The following PTPRN2 variants were observed in gnomAD, a reference collection of about 807,000 sequenced individuals.
PTPRN2 encodes the protein protein tyrosine phosphatase receptor type N2.
Under a neutral mutation model 118.8 loss-of-function variants are expected in PTPRN2, and 74 were observed. The ratio of observed to expected loss-of-function variants is 0.62; its 90% confidence interval spans 0.52 to 0.76. The LOEUF is 0.76. Among genes scored for constraint, PTPRN2 ranks in the 30% least tolerant of loss-of-function variants. The pLI is 0.00. For missense variants in PTPRN2, 1,481 were observed against 1,394.4 expected, an observed-to-expected ratio of 1.06 and a Z score of -0.99; for synonymous variants, 641 against 608.0, an observed-to-expected ratio of 1.05 and a Z score of -0.80.
intron 2 of PTPRN2, among the ~76,000 whole-genome samples, chr7:158,353,356 A>T (rs918673503): frequency 5.9e-5 from 9 of 152,228 alleles, no homozygotes; most frequent in East Asian, 1.9e-4. Flanking sequence ...AAGTCCTAAA[A>T]CTATGAGTGG....
intron 11 of PTPRN2, among the ~76,000 whole-genome samples, chr7:158,064,434 G>T (rs890908048): frequency 3.3e-5 from 5 of 152,174 alleles, no homozygotes; most frequent in African/African-American, 1.2e-4. Flanking sequence ...TGGGGCCAGA[G>T]ACTGGGGTCA....
At chr7:158,078,108 T>C (rs903611421) in intron 11 of PTPRN2, among the ~76,000 whole-genome samples, 6 of 152,204 alleles carry the variant, frequency 3.9e-5, no homozygotes, top group African/African-American at 1.4e-4. Context: ...GCAGCTGCCC[T>C]TCTCATTCGG....
Position 157,940,912 on chromosome 7 carries a change from C to T in PTPRN2, c.1724-42175G>A, listed in dbSNP as rs1260743190. Among the ~76,000 whole-genome samples, 6 of 60,388 alleles carry T rather than the reference C, an allele frequency of 9.9e-5. 1 individual carries two copies. Among genetic ancestry groups the T allele is most frequent in the Non-Finnish European group, 1.4e-4 (5 of 36,744 alleles). 39.6% of individuals were successfully genotyped at this position (60,388 alleles called of 152,430 possible). A position where few individuals can be genotyped will look rare whatever the true frequency, so the allele number is the denominator to read the frequency against. On this transcript the variant is annotated intron_variant, in intron 11 of 22. Coordinates refer to ENST00000389418, the MANE Select transcript of PTPRN2 (RefSeq NM_002847.5). ...TGACACTGCAAATCTAACACCCCCCCGTGACACTGCAAATCTAACACCCTC... is the reference window on the plus strand; with the variant it reads ...TGACACTGCAAATCTAACACCCCCCTGTGACACTGCAAATCTAACACCCTC...
At chr7:158,024,510 G>A (rs958258518) in intron 11 of PTPRN2, among the ~76,000 whole-genome samples, 1 of 152,120 alleles carries the variant, frequency 6.6e-6, no homozygotes, top group Non-Finnish European at 1.5e-5. Flanking sequence ...GGGCACACAG[G>A]GCACCCGTGC....
intron 5 of PTPRN2, among the ~76,000 whole-genome samples, chr7:158,183,837 C>T (rs1218506008): frequency 2.0e-5 from 3 of 152,100 alleles, no homozygotes; most frequent in East Asian, 1.9e-4. Flanking sequence ...TTTTAGTTTT[C>T]CTGTCAAGTT....
At chr7:158,120,136 T>C (rs1817038594) in intron 9 of PTPRN2, among the ~76,000 whole-genome samples, 8 of 152,278 alleles carry the variant, frequency 5.3e-5, no homozygotes, top group Admixed American at 5.2e-4. Context: ...CATGTGAGGT[T>C]CCTAGAATCC....
rs543990015 is a variant in PTPRN2, at chr7:157,953,509, C to T, written c.1724-54772G>A. 5.3e-5 allele frequency among the ~76,000 whole-genome samples: 8 copies of T among 152,296 alleles called. No individual in the cohort carries two copies. Among genetic ancestry groups the T allele is most frequent in the Non-Finnish European group, 8.8e-5 (6 of 68,010 alleles). ...TCTTCACACCATGAGGCTGCTGGCA[C>T]GGGTGCCTTTGCTGCCGGCTGCTGT... On this transcript the variant is annotated intron_variant, in intron 11 of 22. Coordinates refer to ENST00000389418, the MANE Select transcript of PTPRN2 (RefSeq NM_002847.5). The surrounding 1 kb of genome is among the most constrained non-coding windows in gnomAD (Gnocchi z 4.6).
At chr7:157,853,873 G>A (rs1809477286) in intron 12 of PTPRN2, among the ~76,000 whole-genome samples, 1 of 152,198 alleles carries the variant, frequency 6.6e-6, no homozygotes, top group Non-Finnish European at 1.5e-5. Context: ...GGTCATTAGG[G>A]CGGGCCCTAA....
chr7:158,179,279 ATGT>A (rs1453242563), intron 5 of PTPRN2, among the ~76,000 whole-genome samples: 1 of 151,932 alleles, frequency 6.6e-6, no homozygotes, highest in Non-Finnish European at 1.5e-5. Context: ...TTTTTTTCAT[ATGT>A]TGTTGCCCAT....
intron 11 of PTPRN2, among the ~76,000 whole-genome samples, chr7:157,926,332 G>T (rs10229251): frequency 6.7e-6 from 1 of 149,126 alleles, no homozygotes; most frequent in Non-Finnish European, 1.5e-5. Context: ...CATGCGTCAC[G>T]TCCCTCTGTC....
intron 11 of PTPRN2, among the ~76,000 whole-genome samples, chr7:157,911,384 G>T (rs1211097798): frequency 1.3e-5 from 2 of 152,142 alleles, no homozygotes; most frequent in African/African-American, 2.4e-5. Context: ...GACGTTTAGG[G>T]AGATAAACTA....
chr7:158,123,337 G>A (rs762637147), intron 9 of PTPRN2, among the ~76,000 whole-genome samples: 12 of 152,206 alleles, frequency 7.9e-5, no homozygotes, highest in East Asian at 1.9e-4. Flanking sequence ...CCTGACCAAC[G>A]CGTGGTGACT....
At chr7:157,575,567 C>A (rs1313385448) in intron 19 of PTPRN2, among the ~76,000 whole-genome samples, 2 of 152,094 alleles carry the variant, frequency 1.3e-5, no homozygotes, top group African/African-American at 4.8e-5. Flanking sequence ...GACTAAAAGG[C>A]AAAATAAATT....
chr7:157,809,476 G>A (rs943580587), intron 12 of PTPRN2, among the ~76,000 whole-genome samples: 6 of 151,796 alleles, frequency 4.0e-5, no homozygotes, highest in African/African-American at 1.2e-4. Context: ...GCACTGTGGC[G>A]AGCAGAACCG....
intron 4 of PTPRN2, among the ~76,000 whole-genome samples, chr7:158,195,369 C>T (rs906867428): frequency 1.1e-4 from 16 of 152,120 alleles, no homozygotes; most frequent in Non-Finnish European, 2.2e-4. Flanking sequence ...TTTCCTCTGG[C>T]TGCTTTTAAG....
chr7:157,972,196 T>C (rs1365216168), intron 11 of PTPRN2, among the ~76,000 whole-genome samples: 2 of 152,236 alleles, frequency 1.3e-5, no homozygotes, highest in African/African-American at 4.8e-5. Context: ...GAACAGGTTC[T>C]CTGGCACCCA....
intron 11 of PTPRN2, among the ~76,000 whole-genome samples, chr7:158,060,651 T>C (rs1248629556): frequency 6.6e-6 from 1 of 152,206 alleles, no homozygotes; most frequent in South Asian, 2.1e-4. Context: ...GACCATAACT[T>C]TCTGGAGGTC....
intron 1 of PTPRN2, among the ~76,000 whole-genome samples, chr7:158,553,985 G>T (rs1341833327): frequency 6.6e-6 from 1 of 151,096 alleles, no homozygotes; most frequent in Non-Finnish European, 1.5e-5. Flanking sequence ...AGACTTGGGG[G>T]TCTACACCAA....
chr7:158,100,052 T>A (rs1421157478), intron 10 of PTPRN2, among the ~76,000 whole-genome samples: 1 of 151,810 alleles, frequency 6.6e-6, no homozygotes. Context: ...TTTCCCTGAG[T>A]CTCCAAAGTC....
Sources: gnomAD v4.1 joint callset for allele counts (sites outside exome capture counted in the v4.1 genomes callset) on GRCh38, gnomAD v4.1.1 for gene constraint, Gnocchi (gnomAD v3.1) non-coding constraint, MANE v1.5 for transcripts, NCBI Gene and HGNC (gene_info 2026-07-23, HGNC 2026-07-21) for gene names.